The following RGPD1 variants were observed in gnomAD, a reference collection of about 807,000 sequenced individuals.
The protein encoded by RGPD1 is RANBP2 like and GRIP domain containing 1, also known as RANBP2-like and GRIP domain-containing protein 1.
A neutral mutation model predicts 40.6 loss-of-function variants in RGPD1; 7 were observed. The observed-to-expected ratio is 0.17, with a 90% CI of 0.10 to 0.32. The LOEUF is 0.32. Among genes scored for constraint, RGPD1 ranks in the 10% least tolerant of loss-of-function variants. RGPD1 has a pLI of 1.00. For missense variants in RGPD1, 50 were observed against 472.5 expected, an observed-to-expected ratio of 0.11 and a Z score of 8.29; for synonymous variants, 24 against 167.0, an observed-to-expected ratio of 0.14 and a Z score of 6.60.
chr2:86,956,108 GGTAAACA>G (rs1302609307), intron 4 of RGPD1, among the ~76,000 whole-genome samples: 1 of 137,764 alleles, frequency 7.3e-6, no homozygotes, highest in African/African-American at 2.7e-5. Context: ...GGCTTGCTAA[GGTAAACA>G]GTTTCTGACA....
rs12467148 is a variant in RGPD1, at chr2:86,944,372, C to T, written c.72+2064C>T. 1.0e-2 allele frequency among the ~76,000 whole-genome samples: 1,519 copies of T among 151,910 alleles called. 53 individuals carry two copies. Among genetic ancestry groups the T allele is most frequent in the Admixed American group, 0.067 (1,019 of 15,252 alleles). ...TAAAACAGACCTTAATTGAGGGTTCCTGTAACTCCTGAAATTAAAGACTTT... is the reference window on the plus strand; with the variant it reads ...TAAAACAGACCTTAATTGAGGGTTCTTGTAACTCCTGAAATTAAAGACTTT... On this transcript the variant is annotated intron_variant, in intron 1 of 22. Transcript: ENST00000641458.
upstream of RGPD1, among the ~76,000 whole-genome samples, chr2:86,941,793 C>A (rs1001669814): frequency 6.6e-6 from 1 of 150,446 alleles, no homozygotes; most frequent in Non-Finnish European, 1.5e-5. Flanking sequence ...TCACTGCAAC[C>A]CTCGCCTCTC....
chr2:86,934,506 T>C (rs1467074391), intron 1 of RGPD1: 4 of 137,778 alleles, frequency 2.9e-5, no homozygotes, highest in African/African-American at 1.1e-4. Flanking sequence ...CCAGATAAGT[T>C]TTTCTTTCCT....
rs187539253 is a variant in RGPD1 at position 86,944,088 on chromosome 2, A to T, written c.72+1780A>T. On this transcript the variant is annotated intron_variant, in intron 1 of 22. Coordinates refer to ENST00000641458, the MANE Select transcript of RGPD1 (RefSeq NM_001382344.1). ...TAATAGTAGCATAATTGTGTCTCTT[A>T]TCATAACTAAGCATACGTTATCTTA... 1.4e-3 allele frequency among the ~76,000 whole-genome samples: 220 copies of T among 152,240 alleles called. 1 individual carries two copies. The highest frequency in any genetic ancestry group is 6.8e-3 in the Middle Eastern group (2 of 294).
At chr2:86,997,244 T>G in intron 21 of RGPD1, among the ~76,000 whole-genome samples, 1 of 50,058 alleles carries the variant, frequency 2.0e-5, no homozygotes, top group Admixed American at 2.6e-4. Context: ...CAACCCCAAA[T>G]AGCTTAGGAC....
intron 1 of RGPD1, among the ~76,000 whole-genome samples, chr2:86,914,259 T>G (rs1328818377): frequency 2.4e-4 from 15 of 62,988 alleles, no homozygotes; most frequent in African/African-American, 9.8e-4. Context: ...GGCGGCGGCC[T>G]CGGCCTCGGC....
intron 1 of RGPD1, among the ~76,000 whole-genome samples, chr2:86,931,959 A>ATATATATATTTATATATAATATTCATAT (rs1679011072): frequency 4.9e-5 from 7 of 143,722 alleles, no homozygotes; most frequent in African/African-American, 1.3e-4. Flanking sequence ...TATATTCATT[A>ATATATATATTTATATATAATATTCATAT]TATATATATT....
At chr2:86,962,562 A>C (rs1276672730) in intron 6 of RGPD1, among the ~76,000 whole-genome samples, 1 of 130,058 alleles carries the variant, frequency 7.7e-6, no homozygotes, top group Non-Finnish European at 1.6e-5. Context: ...GTAATGATCT[A>C]TATAGTAAAA....
chr2:86,942,140 A>AC lies in RGPD1; in HGVS notation c.-96dup, dbSNP rs1337336608. 1 of 1,480,244 alleles carries AC rather than the reference A, an allele frequency of 6.8e-7. No homozygotes were observed. Among genetic ancestry groups the AC allele is most frequent in the African/African-American group, 1.4e-5 (1 of 70,778 alleles). 91.7% of individuals were successfully genotyped at this position (1,480,244 alleles called of 1,614,324 possible). A position where few individuals can be genotyped will look rare whatever the true frequency, so the allele number is the denominator to read the frequency against. Reference sequence around the variant, plus strand: ...GCGTCACAGTGGTCCTCCGCCGGCTACGTCAGTGGCTTTCAGGCGCTTTCC... The same window carrying AC: ...GCGTCACAGTGGTCCTCCGCCGGCTACCGTCAGTGGCTTTCAGGCGCTTTCC... On this transcript the variant is annotated 5_prime_UTR_variant, in exon 1 of 23. Coordinates refer to ENST00000641458, the MANE Select transcript of RGPD1 (RefSeq NM_001382344.1).
chr2:86,945,273 T>C (rs1318651320), intron 1 of RGPD1, among the ~76,000 whole-genome samples: 1 of 152,098 alleles, frequency 6.6e-6, no homozygotes, highest in African/African-American at 2.4e-5. Context: ...TCATTTACAT[T>C]AGAACCTGGG....
intron 4 of RGPD1, among the ~76,000 whole-genome samples, chr2:86,954,943 C>T (rs1335982494): frequency 1.7e-5 from 1 of 59,990 alleles, no homozygotes; most frequent in African/African-American, 5.4e-5. Context: ...CATCTTTATA[C>T]TTTGGTGATT....
At chr2:86,960,624 C>G (rs1680911184) in intron 6 of RGPD1, among the ~76,000 whole-genome samples, 1 of 129,302 alleles carries the variant, frequency 7.7e-6, no homozygotes, top group South Asian at 2.3e-4. Context: ...GAGTCTCGCT[C>G]TGTTGCCCAG....
In RGPD1 at chr2:86,923,271, T is replaced by C. The variant is rs529379762; in HGVS notation, c.72+9350T>C. 3.5e-4 allele frequency among the ~76,000 whole-genome samples: 53 copies of C among 151,764 alleles called. 3 individuals carry two copies. The highest frequency in any genetic ancestry group is 1.2e-3 in the African/African-American group (51 of 41,120). On this transcript the variant is annotated intron_variant, in intron 1 of 22. Coordinates refer to the RGPD1 transcript ENST00000398193. ...CCAGGCTGGTCTCCAACTCATGACCTCAAGTGACCTTCCTGACCTTGGTGT... is the reference window on the plus strand; with the variant it reads ...CCAGGCTGGTCTCCAACTCATGACCCCAAGTGACCTTCCTGACCTTGGTGT...
chr2:86,931,207 G>A (rs1230778493), intron 1 of RGPD1, among the ~76,000 whole-genome samples: 1 of 150,080 alleles, frequency 6.7e-6, no homozygotes, highest in Admixed American at 6.6e-5. Flanking sequence ...CCTTTCTCCT[G>A]GTTAATGCTT....
At chr2:86,947,896 TG>T (rs1416791633) in intron 1 of RGPD1, among the ~76,000 whole-genome samples, 1 of 110,394 alleles carries the variant, frequency 9.1e-6, no homozygotes, top group Non-Finnish European at 1.9e-5. Flanking sequence ...TTCATTTGAC[TG>T]TGCAAGATGG....
chr2:86,926,923 TCCTTG>T (rs1678551136), intron 1 of RGPD1, among the ~76,000 whole-genome samples: 2 of 152,046 alleles, frequency 1.3e-5, no homozygotes, highest in East Asian at 3.9e-4. Flanking sequence ...TGGGCTTTAA[TCCTTG>T]AGTAGTTTGG....
chr2:86,942,366 TGGCC>T (rs1679875400), intron 1 of RGPD1, 58 bp downstream of exon 1: 2 of 1,346,804 alleles, frequency 1.5e-6, no homozygotes, highest in African/African-American at 5.3e-5. Flanking sequence ...GGCCTCGACC[TGGCC>T]GGGCGGCGGC....
chr2:86,938,659 G>A (rs2104743135), upstream of RGPD1, among the ~76,000 whole-genome samples: 1 of 150,426 alleles, frequency 6.6e-6, no homozygotes, highest in South Asian at 2.1e-4. Context: ...CATGCTTTAA[G>A]GCCCAGGACA....
upstream of RGPD1, among the ~76,000 whole-genome samples, chr2:86,941,194 C>G (rs900210749): frequency 1.3e-5 from 2 of 151,898 alleles, no homozygotes; most frequent in Admixed American, 6.6e-5. Flanking sequence ...ATCTAAAAGG[C>G]TCTCACTATT....
Sources: gnomAD v4.1 joint callset for allele counts (sites outside exome capture counted in the v4.1 genomes callset) on GRCh38, gnomAD v4.1.1 for gene constraint, MANE v1.5 for transcripts, NCBI Gene and HGNC (gene_info 2026-07-23, HGNC 2026-07-21) for gene names.